Variants in SCARA3 observed in about 807,000 individuals in gnomAD.
The protein encoded by SCARA3 is scavenger receptor class A member 3, also known as cellular stress response gene protein.
In SCARA3, 39 loss-of-function variants were observed where a neutral mutation model predicts 47.0. The ratio of observed to expected loss-of-function variants is 0.83; its 90% CI spans 0.64 to 1.08. SCARA3 has a LOEUF of 1.08. SCARA3 is among the 50% of genes least tolerant of loss of function. The probability of loss-of-function intolerance (pLI) is 0.00; values close to 1 mark genes in which losing one functional copy is unlikely to be tolerated. For synonymous variants in SCARA3, 356 were observed against 334.1 expected (o/e 1.07, Z -0.71); for missense variants, 724 against 792.3 (o/e 0.91, Z 1.04).
chr8:27,634,336 G>T, intron 1 of SCARA3, 129 bp downstream of exon 1: 1 of 750,152 alleles, frequency 1.3e-6, no homozygotes, highest in Admixed American at 4.3e-5. Flanking sequence ...CTTTTCCCCT[G>T]CCTTTTTGGG....
chr8:27,634,429 T>A (rs891540698), intron 1 of SCARA3, among the ~76,000 whole-genome samples: 5 of 152,114 alleles, frequency 3.3e-5, no homozygotes, highest in African/African-American at 1.2e-4. Flanking sequence ...ACACCCCCCC[T>A]TGCAGTCCTG....
At position 27,634,080 on chromosome 8, in the gene SCARA3, A is replaced by T; in HGVS notation, c.-121A>T. 1.1e-6 allele frequency: 1 copy of T among 925,796 alleles called. No individual in the cohort carries two copies. The highest frequency in any genetic ancestry group is 1.5e-6 in the Non-Finnish European group (1 of 687,080). 57.3% of individuals were successfully genotyped at this position (925,796 alleles called of 1,614,324 possible). A position where few individuals can be genotyped will look rare whatever the true frequency, so the allele number is the denominator to read the frequency against. ...GAGCATGAGTCCCGGCCGGAGCCCC[A>T]CGGCCGCGGGCGGCGCCTAGGACGG... On this transcript the variant is annotated 5_prime_UTR_variant, in exon 1 of 6. Transcript: ENST00000301904.
At position 27,660,693 on chromosome 8, in the gene SCARA3, TGATAGATAGATA is replaced by T. The variant is rs200533534; in HGVS notation, c.1369+1186_1369+1197del. 9.1e-3 allele frequency among the ~76,000 whole-genome samples: 817 copies of T among 89,450 alleles called. 7 individuals carry two copies. Among genetic ancestry groups the T allele is most frequent in the South Asian group, 0.035 (72 of 2,084 alleles). The allele number at this position is 89,450 out of a possible 152,430, so 58.7% of individuals were successfully genotyped here. A position where few individuals can be genotyped will look rare whatever the true frequency, so the allele number is the denominator to read the frequency against. ...AGAATCAATAGTGTAGAGTGATAGA[TGATAGATAGATA>T]GATAGATAGATAGATAGATAGATAG... is the stretch of plus-strand genomic sequence containing the variant. On this transcript the variant is annotated intron_variant, in intron 5 of 5. Transcript: ENST00000301904.
downstream of SCARA3, chr8:27,673,081 C>A: frequency 3.6e-6 from 3 of 828,442 alleles, no homozygotes; most frequent in Non-Finnish European, 4.4e-6. Flanking sequence ...GGCTGCACTC[C>A]AGGTGGGCCT....
Position 27,634,123 on chromosome 8 carries a change from G to C in SCARA3, c.-78G>C. On this transcript the variant is annotated 5_prime_UTR_variant, in exon 1 of 6. Transcript: ENST00000301904. ...TAGGACGGCGATCCGCGCCCTGGAGGATCCGCCGGCCGCCCGGCTCCACTA... is the reference window on the plus strand; with the variant it reads ...TAGGACGGCGATCCGCGCCCTGGAGCATCCGCCGGCCGCCCGGCTCCACTA... The C allele has an allele frequency of 5.1e-6, 7 of 1,379,624 alleles. No individual in the cohort carries two copies. Among genetic ancestry groups the C allele is most frequent in the Non-Finnish European group, 6.6e-6 (7 of 1,056,074 alleles). 85.5% of individuals were successfully genotyped at this position (1,379,624 alleles called of 1,614,324 possible).
chr8:27,676,287 G>T (rs28416229), downstream of SCARA3, among the ~76,000 whole-genome samples: 3,383 of 152,288 alleles, frequency 0.022, 142 homozygotes, highest in African/African-American at 0.077. Flanking sequence ...GCTGTGACAA[G>T]GCTTCACACT....
chr8:27,733,953 A>T, the SCARA3 span: 22 of 152,334 alleles, frequency 1.4e-4, no homozygotes, highest in African/African-American at 5.3e-4. Context: ...GGCTCACACC[A>T]TCTTTCCTGA....
At chr8:27,648,253 A>G (rs1298755432) in intron 1 of SCARA3, among the ~76,000 whole-genome samples, 1 of 152,198 alleles carries the variant, frequency 6.6e-6, no homozygotes, top group Non-Finnish European at 1.5e-5. Flanking sequence ...CTGGACTGTA[A>G]AGTTTATAAG....
In SCARA3 at chr8:27,672,007, C is replaced by G; in HGVS notation, c.*656C>G. The stretch of plus-strand genomic sequence containing the variant: ...GCTGGCCAGCAGTTTCCCAGGGCTC[C>G]CTGGGGTTGAAAAGCCCCAAGGAAA... On this transcript the variant is annotated 3_prime_UTR_variant, in exon 6 of 6. Transcript: ENST00000301904. 1 of 985,308 alleles carries G rather than the reference C, an allele frequency of 1.0e-6. No homozygotes were observed. Among genetic ancestry groups the G allele is most frequent in the Non-Finnish European group, 1.2e-6 (1 of 829,904 alleles). The allele number at this position is 985,308 out of a possible 1,614,324, so 61.0% of individuals were successfully genotyped here.
the SCARA3 span, among the ~76,000 whole-genome samples, chr8:27,718,788 G>A: frequency 2.0e-5 from 3 of 152,156 alleles, no homozygotes; most frequent in Non-Finnish European, 2.9e-5. Context: ...ACTTGCATGC[G>A]TTTATCCTCC....
At chr8:27,647,162 C>T (rs376958632) in intron 1 of SCARA3, among the ~76,000 whole-genome samples, 4 of 152,146 alleles carry the variant, frequency 2.6e-5, no homozygotes, top group African/African-American at 9.7e-5. Context: ...CAAAAATGCA[C>T]GTGCACACAT....
intron 3 of SCARA3, among the ~76,000 whole-genome samples, chr8:27,655,447 C>T (rs1801723039): frequency 6.6e-6 from 1 of 152,206 alleles, no homozygotes; most frequent in Admixed American, 6.5e-5. Context: ...AGGCGTCCTG[C>T]TGCTGCCAAG....
chr8:27,644,992 C>T (rs548528191), intron 1 of SCARA3, among the ~76,000 whole-genome samples: 19 of 152,170 alleles, frequency 1.2e-4, no homozygotes, highest in Admixed American at 1.0e-3. Context: ...TTCTGTTCTG[C>T]GAAGGGGAGG....
At chr8:27,690,701 A>AT in the SCARA3 span, among the ~76,000 whole-genome samples, 9 of 150,676 alleles carry the variant, frequency 6.0e-5, no homozygotes, top group Admixed American at 2.7e-4. Flanking sequence ...CAGTTTTTAA[A>AT]TTTTTTTTTT....
At chr8:27,645,654 C>T (rs1293726933) in intron 1 of SCARA3, among the ~76,000 whole-genome samples, 1 of 152,234 alleles carries the variant, frequency 6.6e-6, no homozygotes, top group Admixed American at 6.5e-5. Context: ...CCCTCTCAGG[C>T]TGTGGTTCTC....
chr8:27,695,623 A>C, the SCARA3 span, among the ~76,000 whole-genome samples: 1 of 152,220 alleles, frequency 6.6e-6, no homozygotes, highest in African/African-American at 2.4e-5. Flanking sequence ...AATATGTTCA[A>C]AGAACTAAAG....
At chr8:27,710,949 T>A in the SCARA3 span, among the ~76,000 whole-genome samples, 2 of 126,484 alleles carry the variant, frequency 1.6e-5, no homozygotes, top group African/African-American at 6.3e-5. Context: ...TGAGAGGGAG[T>A]TCCCCTCTTG....
At chr8:27,717,803 A>AG in the SCARA3 span, among the ~76,000 whole-genome samples, 1 of 152,188 alleles carries the variant, frequency 6.6e-6, no homozygotes, top group Admixed American at 6.5e-5. Flanking sequence ...AAGAAGAAAA[A>AG]GAAAGAAACC....
chr8:27,663,283 T>C, intron 5 of SCARA3, among the ~76,000 whole-genome samples: 1 of 152,238 alleles, frequency 6.6e-6, no homozygotes, highest in African/African-American at 2.4e-5. Flanking sequence ...GGTACCTACA[T>C]GTCCTGCAGA....
Sources: gnomAD v4.1 joint callset for allele counts (sites outside exome capture counted in the v4.1 genomes callset) on GRCh38, gnomAD v4.1.1 for gene constraint, MANE v1.5 for transcripts, NCBI Gene and HGNC (gene_info 2026-07-23, HGNC 2026-07-21) for gene names.